The following WIZ variants were observed in gnomAD, a reference collection of about 807,000 sequenced individuals.
WIZ encodes protein Wiz.
In WIZ, 25 loss-of-function variants were observed where a neutral mutation model predicts 140.2. The observed-to-expected ratio is 0.18, with a 90% CI of 0.13 to 0.25. WIZ has a LOEUF of 0.25. WIZ is among the 10% of genes least tolerant of loss of function. The pLI is 1.00. For missense variants in WIZ, 2,231 were observed against 2,632.6 expected (o/e 0.85, Z 3.34); for synonymous variants, 1,125 against 1,154.3 (o/e 0.97, Z 0.51).
In WIZ at chr19:15,420,584, C is replaced by T. The variant is rs534783592; in HGVS notation, c.*2492G>A. The T allele has an allele frequency of 8.5e-4, 129 of 152,338 alleles. No individual in the cohort carries two copies. The highest frequency in any genetic ancestry group is 2.9e-3 in the African/African-American group (119 of 41,572). 9.4% of individuals were successfully genotyped at this position (152,338 alleles called of 1,614,324 possible). A position where few individuals can be genotyped will look rare whatever the true frequency, so the allele number is the denominator to read the frequency against. On this transcript the variant is annotated 3_prime_UTR_variant, in exon 13 of 13. Coordinates refer to ENST00000673675, the MANE Select transcript of WIZ (RefSeq NM_001371589.1). ...TCACATCCAACACCCTCAGAGACCA[C>T]GGCTCAAAAGCTGAGACTTTGCTGC...
chr19:15,437,737 T>G (rs1969569028), intron 4 of WIZ, among the ~76,000 whole-genome samples: 1 of 152,240 alleles, frequency 6.6e-6, no homozygotes, highest in South Asian at 2.1e-4. Context: ...ATTAATAGCC[T>G]TCTCGTGACT....
chr19:15,436,644 T>G, intron 5 of WIZ, 162 bp downstream of exon 5: 1 of 693,708 alleles, frequency 1.4e-6, no homozygotes, highest in Non-Finnish European at 2.2e-6. Flanking sequence ...AAAGGACACC[T>G]AAATAGCAGG....
In WIZ at chr19:15,428,578, G is replaced by C. The variant is rs1249948418; in HGVS notation, c.3416-70C>G. On this transcript the variant is annotated intron_variant, in intron 7 of 12. Coordinates refer to ENST00000673675, the MANE Select transcript of WIZ (RefSeq NM_001371589.1). The surrounding 1 kb of genome is among the most constrained non-coding windows in gnomAD (Gnocchi z 6.4). The stretch of plus-strand genomic sequence containing the variant: ...CCGGCCTTGGGGGCCTGAGGTAGGA[G>C]GGTCTGGTGTGATTTTTGGCTGCTC... 1 of 1,528,412 alleles carries C rather than the reference G, an allele frequency of 6.5e-7. No individual in the cohort carries two copies. Among genetic ancestry groups the C allele is most frequent in the African/African-American group, 1.4e-5 (1 of 72,776 alleles). The allele number at this position is 1,528,412 out of a possible 1,614,324, so 94.7% of individuals were successfully genotyped here. A position where few individuals can be genotyped will look rare whatever the true frequency, so the allele number is the denominator to read the frequency against.
chr19:15,423,417 G>A (rs1057378985), intron 12 of WIZ, among the ~76,000 whole-genome samples, 182 bp from the exon 13 acceptor site: 2 of 152,150 alleles, frequency 1.3e-5, no homozygotes, highest in African/African-American at 2.4e-5. Flanking sequence ...CACTCACCAT[G>A]GGGTCATGGC....
At chr19:15,444,128 C>T (rs564768949) in intron 2 of WIZ, among the ~76,000 whole-genome samples, 1 of 152,170 alleles carries the variant, frequency 6.6e-6, no homozygotes, top group Admixed American at 6.5e-5. Context: ...GGATTAGCCT[C>T]AATTTGAGGA....
At position 15,427,751 on chromosome 19, in the gene WIZ, T is replaced by C. The variant is rs946931330; in HGVS notation, c.3815-218A>G. ...CAGAGAGCACATGGGCCCTCAGTCCTGGCGGAGGAGGATGGAACCAAGATT... is the reference window on the plus strand; with the variant it reads ...CAGAGAGCACATGGGCCCTCAGTCCCGGCGGAGGAGGATGGAACCAAGATT... On this transcript the variant is annotated intron_variant, in intron 8 of 12. Coordinates refer to ENST00000673675, the MANE Select transcript of WIZ (RefSeq NM_001371589.1). This position sits in a 1 kb window ranked among gnomAD's most constrained non-coding sequence, Gnocchi z 6.4. Among the ~76,000 whole-genome samples the C allele has an allele frequency of 6.6e-5, 10 of 152,112 alleles. No individual in the cohort carries two copies. Among genetic ancestry groups the C allele is most frequent in the Non-Finnish European group, 1.0e-4 (7 of 67,994 alleles).
In WIZ at chr19:15,442,653, G is replaced by T; in HGVS notation, c.278+23C>A. ...TGCTTGCCCCCCTGCCCTCCCTGAG[G>T]TCAGGGCCAGCATGGCACTCACCAG... On this transcript the variant is annotated intron_variant, in intron 3 of 12. Coordinates refer to ENST00000673675, the MANE Select transcript of WIZ (RefSeq NM_001371589.1). This position sits in a 1 kb window ranked among gnomAD's most constrained non-coding sequence, Gnocchi z 5.5. 1 of 1,231,960 alleles carries T rather than the reference G, an allele frequency of 8.1e-7. No individual in the cohort carries two copies. Among genetic ancestry groups the T allele is most frequent in the Non-Finnish European group, 1.0e-6 (1 of 987,758 alleles). 76.3% of individuals were successfully genotyped at this position (1,231,960 alleles called of 1,614,324 possible). A position where few individuals can be genotyped will look rare whatever the true frequency, so the allele number is the denominator to read the frequency against.
chr19:15,448,464 C>T lies in WIZ; in HGVS notation c.-60-97G>A, dbSNP rs1969996382. 4 of 929,942 alleles carry T rather than the reference C, an allele frequency of 4.3e-6. No homozygotes were observed. In the South Asian group the frequency reaches 4.6e-5, roughly 11 times the overall value. 57.6% of individuals were successfully genotyped at this position (929,942 alleles called of 1,614,324 possible). A position where few individuals can be genotyped will look rare whatever the true frequency, so the allele number is the denominator to read the frequency against. ...AACCTCAGTCCTCAACTTTGCAGCT[C>T]ACTGCCTCAGTTTACCTCCCAGCCC... is the stretch of plus-strand genomic sequence containing the variant. On this transcript the variant is annotated intron_variant, in intron 1 of 12. Coordinates refer to ENST00000673675, the MANE Select transcript of WIZ (RefSeq NM_001371589.1).
At chr19:15,432,248 G>A (rs1425677464) in intron 5 of WIZ, among the ~76,000 whole-genome samples, 3 of 151,996 alleles carry the variant, frequency 2.0e-5, no homozygotes, top group Non-Finnish European at 4.4e-5. Flanking sequence ...TCGAGGAGCG[G>A]CGGAGGAGTG....
rs1200479437 is a variant in WIZ, at chr19:15,442,999, C to A, written c.206-251G>T. Among the ~76,000 whole-genome samples, 1 of 152,214 alleles carries A rather than the reference C, an allele frequency of 6.6e-6. No homozygotes were observed. The highest frequency in any genetic ancestry group is 1.5e-5 in the Non-Finnish European group (1 of 68,026). On this transcript the variant is annotated intron_variant, in intron 2 of 12. Transcript: ENST00000673675. This position sits in a 1 kb window ranked among gnomAD's most constrained non-coding sequence, Gnocchi z 5.5. The stretch of plus-strand genomic sequence containing the variant: ...CCCTCCTCTCTTTCCCCCAACCCAG[C>A]AGCCAGGGTGGTTTTTTACAAGCCT...
rs973118325 is a variant in WIZ at position 15,422,105 on chromosome 19, G to A, written c.*971C>T. The A allele has an allele frequency of 6.6e-6, 1 of 152,208 alleles. No individual in the cohort carries two copies. Among genetic ancestry groups the A allele is most frequent in the Non-Finnish European group, 1.5e-5 (1 of 68,036 alleles). The allele number at this position is 152,208 out of a possible 1,614,324, so 9.4% of individuals were successfully genotyped here. A position where few individuals can be genotyped will look rare whatever the true frequency, so the allele number is the denominator to read the frequency against. Reference sequence around the variant, plus strand: ...CGCCTGCCCCAGGGTGTTTCCAGAAGAGAAATTTAATCTAATTTACATACT... The same window carrying A: ...CGCCTGCCCCAGGGTGTTTCCAGAAAAGAAATTTAATCTAATTTACATACT... On this transcript the variant is annotated 3_prime_UTR_variant, in exon 13 of 13. Coordinates refer to ENST00000673675, the MANE Select transcript of WIZ (RefSeq NM_001371589.1).
chr19:15,445,313 G>T (rs1969879961), intron 2 of WIZ, among the ~76,000 whole-genome samples: 1 of 152,224 alleles, frequency 6.6e-6, no homozygotes, highest in Admixed American at 6.5e-5. Flanking sequence ...TACCCCAGGG[G>T]TGCCCTGAAG....
chr19:15,430,234 C>T, intron 6 of WIZ, 145 bp from the exon 7 acceptor site: 1 of 1,223,886 alleles, frequency 8.2e-7, no homozygotes, highest in Non-Finnish European at 1.1e-6. Flanking sequence ...CACAATGACC[C>T]TAACAACGCA....
chr19:15,425,209 G>A (rs778469590), intron 10 of WIZ, 32 bp downstream of exon 10: 36 of 1,554,630 alleles, frequency 2.3e-5, no homozygotes, highest in Non-Finnish European at 2.8e-5. Context: ...CCTGGCGGTC[G>A]CCCTCCCAGG....
Position 15,424,759 on chromosome 19 carries a change from G to A in WIZ, c.5168C>T (p.Pro1723Leu). 4 of 1,575,226 alleles carry A rather than the reference G, an allele frequency of 2.5e-6. No homozygotes were observed. Among genetic ancestry groups the A allele is most frequent in the Non-Finnish European group, 3.4e-6 (4 of 1,163,332 alleles). The change falls in exon 11 of 13, where the codon CCC (proline) becomes CTC (leucine). Residue 1723 changes from proline (P) to leucine (L), a missense_variant. Physicochemically the swap from Pro to Leu is moderately conservative, Grantham distance 98. This residue lies in a region of WIZ where 299 missense variants were observed against 309.6 expected (regional missense o/e 0.97). Transcript: ENST00000673675. The surrounding 1 kb of genome is among the most constrained non-coding windows in gnomAD (Gnocchi z 9.7). ...SDKRPSLGLA[P>L]GGLAVVGRSA... is the part of the protein sequence containing the mutation. The stretch of plus-strand genomic sequence containing the variant: ...GCGGCCGACCACGGCCAGGCCCCCG[G>A]GTGCCAGCCCCAGGGACGGCCGCTT...
intron 1 of WIZ, among the ~76,000 whole-genome samples, chr19:15,449,006 C>A (rs1476977807): frequency 6.6e-6 from 1 of 151,992 alleles, no homozygotes; most frequent in African/African-American, 2.4e-5. Context: ...TTTCGCTTCT[C>A]CCCAACATTA....
intron 2 of WIZ, among the ~76,000 whole-genome samples, chr19:15,446,796 C>T (rs759555167): frequency 3.9e-5 from 6 of 152,250 alleles, no homozygotes; most frequent in Non-Finnish European, 7.3e-5. Context: ...TCTGTCTCCC[C>T]AGCCTCAGAT....
rs1969548095 is a variant in WIZ, at chr19:15,437,149, C to A, written c.2417-20G>T. ...TGGCCACTGTGGAGAGAGGACAGGA[C>A]TGCCTGAGGTGGAGAGGGGGCTACT... On this transcript the variant is annotated intron_variant, in intron 4 of 12. Transcript: ENST00000673675. 1 of 1,561,034 alleles carries A rather than the reference C, an allele frequency of 6.4e-7. No homozygotes were observed.
intron 5 of WIZ, among the ~76,000 whole-genome samples, chr19:15,435,820 T>C (rs913113962): frequency 6.6e-6 from 1 of 151,600 alleles, no homozygotes; most frequent in Admixed American, 6.6e-5. Context: ...AGACTTCATC[T>C]CAGAAAAAAT....
Sources: allele counts gnomAD v4.1 joint callset (sites outside exome capture counted in the v4.1 genomes callset), GRCh38; gene constraint gnomAD v4.1.1; regional missense constraint gnomAD v4.1.1; non-coding constraint Gnocchi (gnomAD v3.1); transcripts MANE v1.5; gene names NCBI Gene and HGNC (gene_info 2026-07-23, HGNC 2026-07-21).